PCDHA12: variants seen among roughly 807,000 people sequenced by gnomAD.
PCDHA12 encodes the protein protocadherin alpha-12.
A neutral mutation model predicts 60.0 loss-of-function variants in PCDHA12; 44 were observed. The observed-to-expected ratio is 0.73, with a 90% CI of 0.58 to 0.94. The LOEUF (loss-of-function observed/expected upper bound fraction) is 0.94. Among genes scored for constraint, PCDHA12 ranks in the 40% least tolerant of loss-of-function variants. The pLI, the probability that PCDHA12 is intolerant of heterozygous loss-of-function variation, is 0.00. For missense variants in PCDHA12, 1,276 were observed against 1,239.7 expected (o/e 1.03, Z -0.44); for synonymous variants, 569 against 553.0 (o/e 1.03, Z -0.40).
At chr5:140,960,436 G>C (rs2095548378) in intron 1 of PCDHA12, among the ~76,000 whole-genome samples, 1 of 152,180 alleles carries the variant, frequency 6.6e-6, no homozygotes. Context: ...TGATACTCTA[G>C]ATATATGTAT....
intron 3 of PCDHA12, among the ~76,000 whole-genome samples, chr5:141,007,801 G>T (rs559830556): frequency 2.6e-5 from 4 of 152,148 alleles, no homozygotes; most frequent in Non-Finnish European, 5.9e-5. Flanking sequence ...GCCTTTATCT[G>T]CCATTCATTT....
chr5:140,929,245 A>G, intron 1 of PCDHA12: 1 of 1,613,774 alleles, frequency 6.2e-7, no homozygotes. Flanking sequence ...AAATCTTGCC[A>G]CTGGGGTAGG....
chr5:140,877,087 G>C lies in PCDHA12; in HGVS notation c.1615G>C (p.Asp539His). The change falls in exon 1 of 4, where the codon GAC (aspartate) becomes CAC (histidine). Residue 539 changes from aspartate (D) to histidine (H), a missense_variant. Physicochemically the swap from Asp to His is moderately conservative, Grantham distance 81 (BLOSUM62 -1). Transcript: ENST00000398631. The part of the protein sequence containing the change: ...ELLQFQVSAR[D>H]AGVPPLGSNV... ...GCTGCAGTTCCAGGTGAGCGCGCGC[G>C]ACGCCGGCGTGCCGCCTCTGGGCAG... 2.5e-6 allele frequency: 4 copies of C among 1,613,212 alleles called. No homozygotes were observed. The South Asian group carries it at 3.3e-5, about 13-fold the overall frequency.
chr5:140,899,191 C>G (rs1583332627), intron 1 of PCDHA12, among the ~76,000 whole-genome samples: 2 of 151,090 alleles, frequency 1.3e-5, no homozygotes, highest in Non-Finnish European at 3.0e-5. Flanking sequence ...TTTCCTTCTC[C>G]TGCCTAATTG....
intron 1 of PCDHA12, among the ~76,000 whole-genome samples, chr5:140,934,109 A>G (rs2089636629): frequency 6.6e-6 from 1 of 151,948 alleles, no homozygotes; most frequent in Non-Finnish European, 1.5e-5. Flanking sequence ...CTATTTTATT[A>G]ATTTTCATAC....
chr5:140,922,477 C>T (rs1233589980), intron 1 of PCDHA12, among the ~76,000 whole-genome samples: 2 of 152,124 alleles, frequency 1.3e-5, no homozygotes, highest in African/African-American at 2.4e-5. Context: ...GGAGAGAAGG[C>T]AGGACTAAAT....
rs57893927 is a variant in PCDHA12 at position 140,946,631 on chromosome 5, T to TATATAC, written c.2368-32317_2368-32316insTATACA. Among the ~76,000 whole-genome samples, 104 of 131,796 alleles carry TATATAC rather than the reference T, an allele frequency of 7.9e-4. 5 individuals are homozygous for TATATAC. Among genetic ancestry groups the TATATAC allele is most frequent in the Admixed American group, 1.7e-3 (23 of 13,490 alleles). The allele number at this position is 131,796 out of a possible 152,430, so 86.5% of individuals were successfully genotyped here. Reference sequence around the variant, plus strand: ...TGTGAAATATATATATATATATATATACAATGGAATACTCATCAGCCATTA... The same window carrying TATATAC: ...TGTGAAATATATATATATATATATATATATACACAATGGAATACTCATCAGCCATTA... On this transcript the variant is annotated intron_variant, in intron 1 of 3. Transcript: ENST00000398631.
chr5:141,011,501 A>G lies in PCDHA12; in HGVS notation c.*1564A>G, dbSNP rs548038544. ...ATATTTCCTTTTGTACACCTGTGAA[A>G]AAGTGGAGTAGTGTTTTTTTAACCA... On this transcript the variant is annotated 3_prime_UTR_variant, in exon 4 of 4. Coordinates refer to ENST00000398631, the MANE Select transcript of PCDHA12 (RefSeq NM_018903.4). 1.3e-5 allele frequency: 2 copies of G among 153,894 alleles called. No individual in the cohort carries two copies. Among genetic ancestry groups the G allele is most frequent in the African/African-American group, 4.8e-5 (2 of 41,578 alleles). 9.5% of individuals were successfully genotyped at this position (153,894 alleles called of 1,614,324 possible).
intron 1 of PCDHA12, among the ~76,000 whole-genome samples, chr5:140,902,016 T>C (rs541579348): frequency 1.3e-5 from 2 of 152,274 alleles, no homozygotes; most frequent in South Asian, 4.1e-4. Context: ...TTGGGACATA[T>C]AGAAATACTA....
At chr5:140,995,214 C>T (rs1193715389) in intron 3 of PCDHA12, among the ~76,000 whole-genome samples, 2 of 152,136 alleles carry the variant, frequency 1.3e-5, no homozygotes, top group Admixed American at 6.6e-5. Flanking sequence ...AGGCACAATA[C>T]TCTTGTGCTT....
At chr5:140,970,384 C>T (rs2096401322) in intron 1 of PCDHA12, among the ~76,000 whole-genome samples, 1 of 152,104 alleles carries the variant, frequency 6.6e-6, no homozygotes, top group Admixed American at 6.5e-5. Flanking sequence ...AAAAGGCTGG[C>T]TTGGAAAGTG....
rs1231856848 is a variant in PCDHA12 at position 141,000,389 on chromosome 5, CTCTCTCTA to C, written c.2516-9236_2516-9229del. 6.2e-3 allele frequency among the ~76,000 whole-genome samples: 389 copies of C among 62,448 alleles called. 3 individuals are homozygous for C. Among genetic ancestry groups the C allele is most frequent in the East Asian group, 0.011 (21 of 1,838 alleles). The allele number at this position is 62,448 out of a possible 152,430, so 41.0% of individuals were successfully genotyped here. A position where few individuals can be genotyped will look rare whatever the true frequency, so the allele number is the denominator to read the frequency against. ...TCTCTCTCTCTCTCTCTCTCTCTCT[CTCTCTCTA>C]TATATATATATATATATATATATAT... is the stretch of plus-strand genomic sequence containing the variant. On this transcript the variant is annotated intron_variant, in intron 3 of 3. Coordinates refer to ENST00000398631, the MANE Select transcript of PCDHA12 (RefSeq NM_018903.4).
At position 140,997,829 on chromosome 5, in the gene PCDHA12, C is replaced by G. The variant is rs1294994549; in HGVS notation, c.2516-11798C>G. On this transcript the variant is annotated intron_variant, in intron 3 of 3. Transcript: ENST00000398631. ...GCTGTTGGTATCTATGTTTTCTAAA[C>G]AATACAATATACATTCTTATACATA... 2.0e-5 allele frequency among the ~76,000 whole-genome samples: 3 copies of G among 152,190 alleles called. No homozygotes were observed. The East Asian group carries it at 5.8e-4, about 29-fold the overall frequency.
chr5:140,896,227 A>G (rs1332090647), intron 1 of PCDHA12, among the ~76,000 whole-genome samples: 1 of 152,230 alleles, frequency 6.6e-6, no homozygotes, highest in Non-Finnish European at 1.5e-5. Flanking sequence ...TCTTTATAGT[A>G]GAATGACTTA....
chr5:140,982,380 C>G, intron 2 of PCDHA12, 95 bp from the exon 3 acceptor site: 1 of 1,577,206 alleles, frequency 6.3e-7, no homozygotes, highest in Non-Finnish European at 8.6e-7. Flanking sequence ...AGCTGCAGCC[C>G]TGGCTTCATA....
intron 1 of PCDHA12, chr5:140,882,754 T>C: frequency 1.2e-6 from 2 of 1,614,228 alleles, no homozygotes; most frequent in South Asian, 1.1e-5. Flanking sequence ...ATGCAGATAT[T>C]GGAGTAAACT....
intron 1 of PCDHA12, among the ~76,000 whole-genome samples, chr5:140,925,279 C>T (rs1477579286): frequency 6.6e-6 from 1 of 152,058 alleles, no homozygotes; most frequent in African/African-American, 2.4e-5. Context: ...TCAGATTTTG[C>T]CTTTCAAATG....
At chr5:140,907,480 CA>C (rs1384591200) in intron 1 of PCDHA12, among the ~76,000 whole-genome samples, 2 of 152,212 alleles carry the variant, frequency 1.3e-5, no homozygotes, top group African/African-American at 4.8e-5. Context: ...GCAGGATAGG[CA>C]AACCCATATC....
intron 1 of PCDHA12, among the ~76,000 whole-genome samples, chr5:140,948,886 T>C (rs892848820): frequency 6.6e-6 from 1 of 151,684 alleles, no homozygotes; most frequent in Non-Finnish European, 1.5e-5. Context: ...TGCTCTCTTT[T>C]AGATTTTAAG....
Sources: allele counts gnomAD v4.1 joint callset (sites outside exome capture counted in the v4.1 genomes callset), GRCh38; gene constraint gnomAD v4.1.1; transcripts MANE v1.5; gene names NCBI Gene and HGNC (gene_info 2026-07-23, HGNC 2026-07-21).